LRRC37A2: variants seen among roughly 807,000 people sequenced by gnomAD.
The protein encoded by LRRC37A2 is leucine-rich repeat-containing protein 37A2.
In LRRC37A2, 9 loss-of-function variants were observed where a neutral mutation model predicts 68.8. The ratio of observed to expected loss-of-function variants is 0.13; its 90% confidence interval spans 0.08 to 0.23. The LOEUF is 0.23. LRRC37A2 is among the 10% of genes least tolerant of loss of function. LRRC37A2 has a pLI of 1.00. For missense variants in LRRC37A2, 168 were observed against 950.4 expected (o/e 0.18, Z 10.82); for synonymous variants, 63 against 367.6 (o/e 0.17, Z 9.48).
At chr17:47,020,783 A>G in the LRRC37A2 span, among the ~76,000 whole-genome samples, 2 of 84,650 alleles carry the variant, frequency 2.4e-5, no homozygotes, top group African/African-American at 6.6e-5. Flanking sequence ...CTCCATCTCA[A>G]AAAAAAAAAA....
At chr17:46,784,981 G>T in the LRRC37A2 span, among the ~76,000 whole-genome samples, 1 of 151,896 alleles carries the variant, frequency 6.6e-6, no homozygotes, top group Non-Finnish European at 1.5e-5. Flanking sequence ...GTTTCACTGT[G>T]TTAGCCAGGA....
chr17:46,983,987 T>C, the LRRC37A2 span: 5 of 152,472 alleles, frequency 3.3e-5, no homozygotes, highest in South Asian at 1.0e-3. Flanking sequence ...CTCTCCATGG[T>C]GCTGCTTGAG....
the LRRC37A2 span, chr17:46,872,589 C>G: frequency 1.2e-6 from 2 of 1,610,594 alleles, no homozygotes; most frequent in Non-Finnish European, 8.5e-7. Flanking sequence ...AGGGCGGGGC[C>G]CACCTGAAGC....
At chr17:46,912,062 G>C in the LRRC37A2 span, among the ~76,000 whole-genome samples, 2 of 152,010 alleles carry the variant, frequency 1.3e-5, no homozygotes, top group African/African-American at 4.8e-5. Flanking sequence ...CCACACCCAC[G>C]ATTGACCAGA....
chr17:46,770,140 G>A, the LRRC37A2 span: 2 of 1,442,398 alleles, frequency 1.4e-6, no homozygotes, highest in Non-Finnish European at 1.8e-6. Context: ...TGAGGGGAAC[G>A]AGGCCAGGAA....
At chr17:46,540,073 T>G in intron 6 of LRRC37A2, 103 bp from the exon 6 acceptor site, 1 of 1,287,648 alleles carries the variant, frequency 7.8e-7, no homozygotes, top group East Asian at 2.6e-5. Flanking sequence ...AACATTTTTT[T>G]CTTTTTTACC....
chr17:46,778,830 T>C, the LRRC37A2 span, among the ~76,000 whole-genome samples: 149,236 of 152,180 alleles, frequency 0.98, 73,236 homozygotes, highest in East Asian at 1. Context: ...CACCATCCTT[T>C]GAAACCTGAT....
the LRRC37A2 span, among the ~76,000 whole-genome samples, chr17:46,728,630 T>G: frequency 6.6e-6 from 1 of 152,228 alleles, no homozygotes; most frequent in Admixed American, 6.5e-5. Flanking sequence ...GTTCTTATAT[T>G]TTAAGCATTT....
At chr17:46,893,992 G>A in the LRRC37A2 span, among the ~76,000 whole-genome samples, 1 of 152,154 alleles carries the variant, frequency 6.6e-6, no homozygotes, top group African/African-American at 2.4e-5. Context: ...GGCTTGGTTT[G>A]TAACTCCAGA....
the LRRC37A2 span, among the ~76,000 whole-genome samples, chr17:46,766,468 C>G: frequency 1.3e-5 from 2 of 152,098 alleles, no homozygotes; most frequent in Non-Finnish European, 2.9e-5. Flanking sequence ...GAGGAGGAAA[C>G]TGGCGCTCCC....
chr17:46,999,532 T>C, the LRRC37A2 span, among the ~76,000 whole-genome samples: 1 of 152,164 alleles, frequency 6.6e-6, no homozygotes, highest in Middle Eastern at 3.4e-3. Flanking sequence ...TAATTTTTTG[T>C]AGAGACGGGG....
At chr17:46,841,623 A>G in the LRRC37A2 span, among the ~76,000 whole-genome samples, 2 of 151,660 alleles carry the variant, frequency 1.3e-5, no homozygotes, top group Non-Finnish European at 2.9e-5. Flanking sequence ...CTGCAATGCC[A>G]GAGGATTCCT....
chr17:46,754,149 C>CTT, the LRRC37A2 span, among the ~76,000 whole-genome samples: 1,521 of 133,974 alleles, frequency 0.011, 16 homozygotes, highest in Middle Eastern at 0.02. Context: ...CCAGCCAGTT[C>CTT]TTTTTTTTTT....
the LRRC37A2 span, chr17:46,756,930 C>T: frequency 3.3e-5 from 5 of 152,570 alleles, no homozygotes; most frequent in Non-Finnish European, 1.5e-5. Context: ...TGTCTTACAA[C>T]TGACTGACTT....
At chr17:46,822,075 G>A in the LRRC37A2 span, among the ~76,000 whole-genome samples, 1 of 152,246 alleles carries the variant, frequency 6.6e-6, no homozygotes, top group Non-Finnish European at 1.5e-5. Flanking sequence ...GTTGCAGCGG[G>A]GAAGCAGGTG....
the LRRC37A2 span, among the ~76,000 whole-genome samples, chr17:46,777,754 A>G: frequency 1.3e-5 from 2 of 152,216 alleles, no homozygotes; most frequent in African/African-American, 4.8e-5. Flanking sequence ...TGAGGCATGG[A>G]GTAGTTGGGC....
At chr17:46,495,392 T>C in the LRRC37A2 span, among the ~76,000 whole-genome samples, 3 of 150,124 alleles carry the variant, frequency 2.0e-5, no homozygotes, top group Non-Finnish European at 2.9e-5. Flanking sequence ...TTGTTTTTGT[T>C]TTTGTTTTTA....
the LRRC37A2 span, among the ~76,000 whole-genome samples, chr17:47,014,293 G>A: frequency 6.6e-6 from 1 of 150,604 alleles, no homozygotes; most frequent in Non-Finnish European, 1.5e-5. Flanking sequence ...GGGAAGCTGA[G>A]GCATGAAAAT....
chr17:47,017,267 T>A, the LRRC37A2 span: 6 of 1,611,226 alleles, frequency 3.7e-6, no homozygotes, highest in Non-Finnish European at 5.1e-6. Context: ...GGCCCCTCCT[T>A]ATGTGGCAAC....
Sources: allele counts gnomAD v4.1 joint callset (sites outside exome capture counted in the v4.1 genomes callset), GRCh38; gene constraint gnomAD v4.1.1; transcripts MANE v1.5; gene names NCBI Gene and HGNC (gene_info 2026-07-23, HGNC 2026-07-21).